The following RANBP9 variants were observed in gnomAD, a reference collection of about 807,000 sequenced individuals.
RANBP9 encodes ran-binding protein 9.
A neutral mutation model predicts 84.3 loss-of-function variants in RANBP9; 15 were observed. The observed-to-expected ratio is 0.18, with a 90% CI of 0.12 to 0.27. The LOEUF (loss-of-function observed/expected upper bound fraction) is 0.27, where lower values mean the gene tolerates loss of function less well. RANBP9 is among the 10% of genes least tolerant of loss of function. The pLI is 1.00. For synonymous variants in RANBP9, 392 were observed against 349.6 expected, an observed-to-expected ratio of 1.12 and a Z score of -1.35; for missense variants, 809 against 912.8, an observed-to-expected ratio of 0.89 and a Z score of 1.46.
chr6:13,701,078 T>G (rs946054525), intron 1 of RANBP9, among the ~76,000 whole-genome samples: 3 of 152,200 alleles, frequency 2.0e-5, no homozygotes, highest in African/African-American at 7.2e-5. Flanking sequence ...GGAACTCTAA[T>G]TCCTCAAACT....
At chr6:13,646,620 G>A (rs910851629) in intron 5 of RANBP9, among the ~76,000 whole-genome samples, 4 of 151,914 alleles carry the variant, frequency 2.6e-5, no homozygotes, top group South Asian at 2.1e-4. Flanking sequence ...TACAAATTCA[G>A]AAAAAATAAT....
At chr6:13,622,516 G>C (rs1764480134) in intron 13 of RANBP9, 24 bp from the exon 14 acceptor site, 1 of 1,542,590 alleles carries the variant, frequency 6.5e-7, no homozygotes, top group Non-Finnish European at 8.7e-7. Flanking sequence ...ATTTAAAAAT[G>C]AGAACAGCAA....
In RANBP9 at chr6:13,711,133, C is replaced by T. The variant is rs768353912; in HGVS notation, c.373G>A (p.Ala125Thr). 1.4e-5 allele frequency: 21 copies of T among 1,539,720 alleles called. 1 individual carries two copies. The highest frequency in any genetic ancestry group is 9.5e-5 in the South Asian group (8 of 84,022). ...AAGGGGGCCGCGGCGCTGCTGCCCGCCACCAGAGCTGGGGTCGGGGCTCCT... is the reference window on the plus strand; with the variant it reads ...AAGGGGGCCGCGGCGCTGCTGCCCGTCACCAGAGCTGGGGTCGGGGCTCCT... Reference protein sequence around the residue: ...AGGAPTPALVAGSSAAAPFPH... With the variant: ...AGGAPTPALVTGSSAAAPFPH... The change falls in exon 1 of 14, where the codon GCG becomes ACG. Residue 125 changes from alanine to threonine, a missense_variant. Coordinates refer to ENST00000011619, the MANE Select transcript of RANBP9 (RefSeq NM_005493.3).
intron 12 of RANBP9, among the ~76,000 whole-genome samples, chr6:13,627,830 C>T (rs1027464737): frequency 2.0e-5 from 3 of 152,072 alleles, no homozygotes; most frequent in Admixed American, 6.6e-5. Flanking sequence ...TAGCCTACAT[C>T]CTAACACACC....
At chr6:13,691,964 T>C (rs1275153665) in intron 2 of RANBP9, among the ~76,000 whole-genome samples, 3 of 152,048 alleles carry the variant, frequency 2.0e-5, no homozygotes, top group Non-Finnish European at 4.4e-5. Flanking sequence ...CCAGCGAAAA[T>C]TCAGTTTTAA....
At chr6:13,652,126 A>G (rs573932709) in intron 5 of RANBP9, among the ~76,000 whole-genome samples, 2 of 152,176 alleles carry the variant, frequency 1.3e-5, no homozygotes, top group Non-Finnish European at 2.9e-5. Flanking sequence ...TGGTATTCCC[A>G]TTCTCTGTTT....
chr6:13,668,558 C>T (rs1044293038), intron 2 of RANBP9, among the ~76,000 whole-genome samples: 8 of 151,936 alleles, frequency 5.3e-5, no homozygotes, highest in African/African-American at 9.6e-5. Flanking sequence ...ACATGAAGTT[C>T]GTTTAACAAA....
Position 13,633,324 on chromosome 6 carries a change from A to G in RANBP9, c.1796-803T>C, listed in dbSNP as rs149690275. Among the ~76,000 whole-genome samples the G allele has an allele frequency of 4.3e-3, 657 of 152,336 alleles. 2 individuals are homozygous for G. Among genetic ancestry groups the G allele is most frequent in the African/African-American group, 0.015 (613 of 41,572 alleles). On this transcript the variant is annotated intron_variant, in intron 11 of 13. Coordinates refer to ENST00000011619, the MANE Select transcript of RANBP9 (RefSeq NM_005493.3). ...GCTGGGATTACAGGCGTGAGCCACC[A>G]TGCCCAGCTAAGAAAATAGTTTTAT...
At chr6:13,658,967 A>G (rs1035205771) in intron 2 of RANBP9, 135 bp from the exon 3 acceptor site, 34 of 764,582 alleles carry the variant, frequency 4.4e-5, no homozygotes, top group Non-Finnish European at 6.6e-5. Flanking sequence ...AAATTTTATT[A>G]CAATTTATTA....
rs1288339312 is a variant in RANBP9, at chr6:13,687,489, TA to T, written c.683+9295del. On this transcript the variant is annotated intron_variant, in intron 2 of 13. Transcript: ENST00000011619. ...GGCAACAAAGTGAGGCCCTATCTCT[TA>T]AAAAAAAAAAAATCCTCTTCTGGTA... is the stretch of plus-strand genomic sequence containing the variant. Among the ~76,000 whole-genome samples, 357 of 143,400 alleles carry T rather than the reference TA, an allele frequency of 2.5e-3. 2 individuals are homozygous for T. The highest frequency in any genetic ancestry group is 5.1e-3 in the Admixed American group (73 of 14,356). The allele number at this position is 143,400 out of a possible 152,430, so 94.1% of individuals were successfully genotyped here. A position where few individuals can be genotyped will look rare whatever the true frequency, so the allele number is the denominator to read the frequency against.
chr6:13,655,283 A>G (rs1584925834), intron 4 of RANBP9, among the ~76,000 whole-genome samples: 1 of 152,108 alleles, frequency 6.6e-6, no homozygotes, highest in South Asian at 2.1e-4. Flanking sequence ...ACCAGCCTAG[A>G]CAACATGGTG....
At chr6:13,653,472 A>G (rs568851000) in intron 4 of RANBP9, among the ~76,000 whole-genome samples, 1 of 152,298 alleles carries the variant, frequency 6.6e-6, no homozygotes, top group African/African-American at 2.4e-5. Flanking sequence ...CTCTAGAATA[A>G]TGGGAGAGCA....
At chr6:13,633,377 T>C (rs1764845081) in intron 11 of RANBP9, among the ~76,000 whole-genome samples, 1 of 152,250 alleles carries the variant, frequency 6.6e-6, no homozygotes, top group South Asian at 2.1e-4. Context: ...ATAATTTAAC[T>C]GTATAAATTA....
At chr6:13,668,441 T>C (rs983446626) in intron 2 of RANBP9, among the ~76,000 whole-genome samples, 9 of 152,048 alleles carry the variant, frequency 5.9e-5, no homozygotes, top group Admixed American at 1.3e-4. Context: ...AAAAATATCC[T>C]TCATTAATAC....
At chr6:13,629,654 T>G (rs1764719171) in intron 12 of RANBP9, among the ~76,000 whole-genome samples, 1 of 152,224 alleles carries the variant, frequency 6.6e-6, no homozygotes, top group Middle Eastern at 3.4e-3. Context: ...TACTGGACTT[T>G]CCACAGTCCC....
At position 13,662,586 on chromosome 6, in the gene RANBP9, C is replaced by T. The variant is rs144014512; in HGVS notation, c.684-3754G>A. On this transcript the variant is annotated intron_variant, in intron 2 of 13. Coordinates refer to ENST00000011619, the MANE Select transcript of RANBP9 (RefSeq NM_005493.3). ...GGGATTTTTGCCCTAATAAAAGAGGCGTGAGAAGGCTTGTTTGCCCCTTCT... is the reference window on the plus strand; with the variant it reads ...GGGATTTTTGCCCTAATAAAAGAGGTGTGAGAAGGCTTGTTTGCCCCTTCT... 3.4e-3 allele frequency among the ~76,000 whole-genome samples: 510 copies of T among 152,162 alleles called. 2 individuals carry two copies. The highest frequency in any genetic ancestry group is 0.012 in the African/African-American group (494 of 41,514).
At chr6:13,627,631 A>AC in intron 12 of RANBP9, among the ~76,000 whole-genome samples, 1 of 103,764 alleles carries the variant, frequency 9.6e-6, no homozygotes, top group Non-Finnish European at 2.1e-5. Context: ...CTCCATCTCC[A>AC]AAAAAAAAAA....
At chr6:13,685,544 C>T (rs1766152529) in intron 2 of RANBP9, among the ~76,000 whole-genome samples, 1 of 152,162 alleles carries the variant, frequency 6.6e-6, no homozygotes, top group Admixed American at 6.5e-5. Context: ...GAATGCGCCA[C>T]TGCACTACAG....
intron 5 of RANBP9, among the ~76,000 whole-genome samples, chr6:13,648,870 C>A (rs929106927): frequency 6.6e-6 from 1 of 152,130 alleles, no homozygotes; most frequent in Admixed American, 6.5e-5. Flanking sequence ...GTTCACAGAA[C>A]TGTGCAACTA....
Sources: allele counts gnomAD v4.1 joint callset (sites outside exome capture counted in the v4.1 genomes callset), GRCh38; gene constraint gnomAD v4.1.1; transcripts MANE v1.5; gene names NCBI Gene and HGNC (gene_info 2026-07-23, HGNC 2026-07-21).